The following THNSL1 variants were observed in gnomAD, a reference collection of about 807,000 sequenced individuals.
THNSL1 encodes threonine synthase-like 1.
A neutral mutation model predicts 50.4 loss-of-function variants in THNSL1; 48 were observed. The observed-to-expected ratio is 0.95, with a 90% confidence interval of 0.76 to 1.21. THNSL1 has a LOEUF of 1.21. THNSL1 is among the 50% of genes most tolerant of loss of function. The pLI is 0.00. For missense variants in THNSL1, 896 were observed against 871.7 expected (o/e 1.03, Z -0.35); for synonymous variants, 309 against 306.1 (o/e 1.01, Z -0.10).
rs1458730999 is a variant in THNSL1, at chr10:25,026,347, AG to A, written c.*893del. 2 of 166,726 alleles carry A rather than the reference AG, an allele frequency of 1.2e-5. No homozygotes were observed. The highest frequency in any genetic ancestry group is 4.8e-5 in the African/African-American group (2 of 41,480). 10.3% of individuals were successfully genotyped at this position (166,726 alleles called of 1,614,324 possible). On this transcript the variant is annotated 3_prime_UTR_variant, in exon 3 of 3. Transcript: ENST00000376356. ...ACATAACTGAAATCCAGGATGAAAC[AG>A]TAAGCAGAACTACTTAGAAGTGAAT...
At chr10:25,021,556 G>C (rs553885042) in intron 1 of THNSL1, among the ~76,000 whole-genome samples, 186 bp from the exon 2 acceptor site, 1 of 152,220 alleles carries the variant, frequency 6.6e-6, no homozygotes, top group East Asian at 1.9e-4. Context: ...TTTATAATGA[G>C]ACACACATGT....
the THNSL1 span, among the ~76,000 whole-genome samples, chr10:24,958,386 A>G: frequency 6.6e-6 from 1 of 152,230 alleles, no homozygotes. Flanking sequence ...AAATGTTACA[A>G]GTACAAAAGA....
upstream of THNSL1, chr10:25,016,260 G>A: frequency 2.2e-6 from 2 of 895,344 alleles, no homozygotes; most frequent in Non-Finnish European, 1.4e-6. Flanking sequence ...TTCTGCTAGA[G>A]AAGCTCATTT....
the THNSL1 span, among the ~76,000 whole-genome samples, chr10:24,958,413 T>A: frequency 6.6e-6 from 1 of 152,202 alleles, no homozygotes; most frequent in Non-Finnish European, 1.5e-5. Context: ...AGCAAGACAT[T>A]TTTTCTGCAA....
chr10:24,987,007 G>A, the THNSL1 span, among the ~76,000 whole-genome samples: 2 of 152,014 alleles, frequency 1.3e-5, no homozygotes, highest in African/African-American at 4.8e-5. Context: ...TTGCACCCTC[G>A]CCCACCCCCA....
In THNSL1 at chr10:25,024,790, A is replaced by G. The variant is rs776863941; in HGVS notation, c.1567A>G (p.Met523Val). The change falls in exon 3 of 3, where the codon ATG (methionine) becomes GTG (valine). Residue 523 changes from methionine to valine, a missense_variant. Physicochemically the swap from Met to Val is conservative, Grantham distance 21. Transcript: ENST00000376356. ...TTTAGCAGCAGTGTATGCCAAAATG[A>G]TGGGAATCCCGATTCGAAAATTTAT... ...NILAAVYAKM[M>V]GIPIRKFICA... 6.2e-7 allele frequency: 1 copy of G among 1,614,084 alleles called. No homozygotes were observed. The highest frequency in any genetic ancestry group is 8.5e-7 in the Non-Finnish European group (1 of 1,180,040).
the THNSL1 span, chr10:24,990,325 A>T: frequency 1.8e-6 from 2 of 1,083,060 alleles, no homozygotes; most frequent in Non-Finnish European, 2.6e-6. Context: ...TGCTGTATGT[A>T]GTTTTTAACT....
chr10:24,952,420 CG>C, the THNSL1 span: 2 of 1,272,992 alleles, frequency 1.6e-6, no homozygotes, highest in South Asian at 2.6e-5. This position sits in a 1 kb window ranked among gnomAD's most constrained non-coding sequence, Gnocchi z 5.1. Flanking sequence ...GAGAACAAAG[CG>C]GTGGCCCTCT....
intron 2 of THNSL1, among the ~76,000 whole-genome samples, chr10:25,022,817 A>G (rs928339237): frequency 2.6e-5 from 4 of 152,190 alleles, no homozygotes; most frequent in Non-Finnish European, 5.9e-5. Context: ...AATTTTCATT[A>G]AAAGATCTCA....
chr10:25,008,296 T>A, the THNSL1 span, among the ~76,000 whole-genome samples: 4 of 152,156 alleles, frequency 2.6e-5, no homozygotes, highest in Admixed American at 2.6e-4. Flanking sequence ...TATAAGTTAA[T>A]TAAAAAGGGT....
chr10:24,972,516 A>AT, the THNSL1 span, among the ~76,000 whole-genome samples: 8 of 146,632 alleles, frequency 5.5e-5, no homozygotes, highest in African/African-American at 2.2e-4. Flanking sequence ...TCAAAAAAAA[A>AT]AAAATAAATA....
At chr10:24,957,464 ATGTTTGTTTGTT>A in the THNSL1 span, among the ~76,000 whole-genome samples, 58 of 150,702 alleles carry the variant, frequency 3.8e-4, no homozygotes, top group Admixed American at 1.3e-3. Context: ...TTTTGAGTTG[ATGTTTGTTTGTT>A]TGTTTGTTTG....
intron 2 of THNSL1, among the ~76,000 whole-genome samples, chr10:25,022,970 A>C (rs1850754928): frequency 1.3e-5 from 2 of 152,210 alleles, no homozygotes; most frequent in South Asian, 4.1e-4. Context: ...TTGAGATTTT[A>C]AAAGATATCA....
chr10:24,999,530 T>G, the THNSL1 span: 1 of 1,609,036 alleles, frequency 6.2e-7, no homozygotes, highest in East Asian at 2.2e-5. Flanking sequence ...ACAGTTGCCT[T>G]AAAAATGGAT....
Position 25,018,659 on chromosome 10 carries a change from G to GTTTTTT in THNSL1, c.-216+1982_-216+1987dup, listed in dbSNP as rs374289213. Among the ~76,000 whole-genome samples the GTTTTTT allele has an allele frequency of 4.4e-4, 41 of 93,714 alleles. 1 individual carries two copies. The highest frequency in any genetic ancestry group is 6.8e-3 in the Middle Eastern group (1 of 146). The allele number at this position is 93,714 out of a possible 152,430, so 61.5% of individuals were successfully genotyped here. On this transcript the variant is annotated intron_variant, in intron 1 of 2. Transcript: ENST00000376356. ...TGATGTACATAAACAAATGAGAGTTGTTTTTTTTTTTTTTTTTTTTGCGAA... is the reference window on the plus strand; with the variant it reads ...TGATGTACATAAACAAATGAGAGTTGTTTTTTTTTTTTTTTTTTTTTTTTTTGCGAA...
chr10:25,018,669 T>TG, intron 1 of THNSL1, among the ~76,000 whole-genome samples: 2 of 150,592 alleles, frequency 1.3e-5, no homozygotes, highest in African/African-American at 4.9e-5. Context: ...GTTTTTTTTT[T>TG]TTTTTTTTTT....
the THNSL1 span, among the ~76,000 whole-genome samples, chr10:24,956,606 C>A: frequency 1.3e-5 from 2 of 151,824 alleles, no homozygotes; most frequent in African/African-American, 4.8e-5. Context: ...TAATGATCAA[C>A]TCAGGGTAAT....
chr10:24,992,272 A>G, the THNSL1 span, among the ~76,000 whole-genome samples: 1 of 152,198 alleles, frequency 6.6e-6, no homozygotes, highest in African/African-American at 2.4e-5. Flanking sequence ...AATAATATGT[A>G]TGTGTTCTGA....
chr10:25,023,320 C>A lies in THNSL1; in HGVS notation c.97C>A (p.Leu33Ile), dbSNP rs1186048244. Reference sequence around the variant, plus strand: ...AACGGATAAACATGCACAGCGATTTCTTTCAAGAACCTTTGCACTTGCGGA... The same window carrying A: ...AACGGATAAACATGCACAGCGATTTATTTCAAGAACCTTTGCACTTGCGGA... ...VKTDKHAQRF[L>I]SRTFALAELR... The change falls in exon 3 of 3, where the codon CTT becomes ATT. Residue 33 changes from leucine to isoleucine, a missense_variant. Leu to Ile is a conservative substitution (Grantham distance 5). Coordinates refer to ENST00000376356, the MANE Select transcript of THNSL1 (RefSeq NM_024838.5). 6.2e-7 allele frequency: 1 copy of A among 1,614,104 alleles called. No individual in the cohort carries two copies. The highest frequency in any genetic ancestry group is 1.1e-5 in the South Asian group (1 of 91,076).
Sources: gnomAD v4.1 joint callset for allele counts (sites outside exome capture counted in the v4.1 genomes callset) on GRCh38, gnomAD v4.1.1 for gene constraint, Gnocchi (gnomAD v3.1) non-coding constraint, MANE v1.5 for transcripts, NCBI Gene and HGNC (gene_info 2026-07-23, HGNC 2026-07-21) for gene names.